The following ITGB7 variants were observed in gnomAD, a reference collection of about 807,000 sequenced individuals.
The protein encoded by ITGB7 is integrin subunit beta 7, also known as integrin beta-7.
Under a neutral mutation model 83.4 loss-of-function variants are expected in ITGB7, and 55 were observed. That is an observed-to-expected ratio of 0.66 (90% confidence interval 0.53 to 0.83). The LOEUF is 0.83. Ranked by LOEUF, ITGB7 falls within the 40% of genes least tolerant of loss-of-function variation. ITGB7 has a pLI of 0.00. For missense variants in ITGB7, 921 were observed against 1,046.7 expected (o/e 0.88, Z 1.66); for synonymous variants, 454 against 423.6 (o/e 1.07, Z -0.88).
rs779774758 is a variant in ITGB7, at chr12:53,197,548, C to T, written c.519G>A (p.Gln173=). ...SMKDDLERVR[Q]LGHALLVRLQ... is the part of the protein sequence containing the mutation. ...GCCGGACCAGCAGAGCGTGCCCGAG[C>T]TGGCGCACGCGTTCCAGGTCGTCCT... Residue 173 remains glutamine (Q), a synonymous_variant, in exon 5 of 16, where the codon CAG becomes CAA. Coordinates refer to ENST00000267082, the MANE Select transcript of ITGB7 (RefSeq NM_000889.3). The T allele has an allele frequency of 6.2e-7, 1 of 1,614,202 alleles. No individual in the cohort carries two copies. The highest frequency in any genetic ancestry group is 1.1e-5 in the South Asian group (1 of 91,090).
At chr12:53,197,295 T>C in intron 5 of ITGB7, 198 bp downstream of exon 5, 1 of 663,990 alleles carries the variant, frequency 1.5e-6, no homozygotes, top group Non-Finnish European at 2.7e-6. Flanking sequence ...AAACGGATAG[T>C]CTCTTGAGTC....
chr12:53,192,745 T>C lies in ITGB7; in HGVS notation c.1892A>G (p.Tyr631Cys), dbSNP rs1374601694. The C allele has an allele frequency of 1.9e-6, 3 of 1,614,214 alleles. No homozygotes were observed. The highest frequency in any genetic ancestry group is 1.3e-5 in the African/African-American group (1 of 75,060). ...TGGGCATTGGTCGCATAGAGCACCA[T>C]AGTAGCCGTCCAAGCACTGGCAGCG... Reference protein sequence around the residue: ...CNRCQCLDGYYGALCDQCPGC... With the variant: ...CNRCQCLDGYCGALCDQCPGC... The change falls in exon 13 of 16, where the codon TAT becomes TGT. Residue 631 changes from tyrosine to cysteine, a missense_variant. By Grantham distance (194) the Tyr-to-Cys change is radical. Coordinates refer to ENST00000267082, the MANE Select transcript of ITGB7 (RefSeq NM_000889.3).
At chr12:53,195,561 A>G in intron 8 of ITGB7, 65 bp downstream of exon 8, 1 of 1,533,024 alleles carries the variant, frequency 6.5e-7, no homozygotes, top group Non-Finnish European at 9.0e-7. Flanking sequence ...CGGAGAATGT[A>G]TCTTTGGGGG....
chr12:53,203,663 AAAAAAAAAG>A (rs1382751338), intron 1 of ITGB7, among the ~76,000 whole-genome samples: 25 of 138,664 alleles, frequency 1.8e-4, no homozygotes, highest in Middle Eastern at 3.6e-3. Context: ...AAAAAAAAAA[AAAAAAAAAG>A]AAAGAAAGAA....
intron 15 of ITGB7, 55 bp from the exon 16 acceptor site, chr12:53,191,691 T>C: frequency 6.4e-7 from 1 of 1,565,496 alleles, no homozygotes; most frequent in Non-Finnish European, 8.8e-7. Context: ...CTCGTCCCCT[T>C]TCTAGACCTA....
chr12:53,203,631 G>A (rs1460436396), intron 1 of ITGB7, among the ~76,000 whole-genome samples: 5 of 118,626 alleles, frequency 4.2e-5, no homozygotes, highest in Admixed American at 1.2e-4. Context: ...CTAGGCGACA[G>A]AGCGAGACCC....
intron 1 of ITGB7, among the ~76,000 whole-genome samples, chr12:53,204,024 T>G (rs1942379098): frequency 6.6e-6 from 1 of 152,142 alleles, no homozygotes; most frequent in South Asian, 2.1e-4. Context: ...GTCCATCAAC[T>G]GATGAATGGA....
chr12:53,193,281 C>A lies in ITGB7; in HGVS notation c.1585G>T (p.Ala529Ser), dbSNP rs1250260191. 4.3e-6 allele frequency: 7 copies of A among 1,613,074 alleles called. No homozygotes were observed. The Admixed American group carries it at 8.3e-5, about 19-fold the overall frequency. The change falls in exon 12 of 16, where the codon GCT becomes TCT. Residue 529 changes from alanine (A) to serine (S), a missense_variant. Ala to Ser is a moderately conservative substitution (Grantham distance 99, BLOSUM62 1). Coordinates refer to ENST00000267082, the MANE Select transcript of ITGB7 (RefSeq NM_000889.3). The part of the protein sequence containing the change: ...SSPDLESGCR[A>S]PNGTGPLCSG... ...CACAGGGGCCCTGTGCCATTGGGAG[C>A]CCGGCACCCAGATTCCAGGTCTGGG...
intron 1 of ITGB7, among the ~76,000 whole-genome samples, chr12:53,204,204 AC>A (rs1185924337): frequency 2.0e-5 from 3 of 152,014 alleles, no homozygotes; most frequent in African/African-American, 7.3e-5. Flanking sequence ...ACATGGTGAA[AC>A]CCCATATCTA....
At position 53,191,773 on chromosome 12, in the gene ITGB7, G is replaced by A. The variant is rs751970636; in HGVS notation, c.2316+86C>T. On this transcript the variant is annotated intron_variant, in intron 15 of 15. Coordinates refer to ENST00000267082, the MANE Select transcript of ITGB7 (RefSeq NM_000889.3). ...GAGGGGTTGGTTACATGTGCCAGGG[G>A]CTGGGGGAACCCAGTGGGAGGAATC... is the stretch of plus-strand genomic sequence containing the variant. 15 of 1,577,666 alleles carry A rather than the reference G, an allele frequency of 9.5e-6. No individual in the cohort carries two copies. In the South Asian group the frequency reaches 1.7e-4, roughly 18 times the overall value.
chr12:53,191,693 C>G (rs554153976), intron 15 of ITGB7, 57 bp from the exon 16 acceptor site: 2 of 1,564,434 alleles, frequency 1.3e-6, no homozygotes, highest in Non-Finnish European at 1.8e-6. Context: ...CGTCCCCTTT[C>G]TAGACCTAAG....
rs765227255 is a variant in ITGB7, at chr12:53,194,216, G to A, written c.1290C>T (p.His430=). 4.6e-5 allele frequency: 75 copies of A among 1,613,854 alleles called. No homozygotes were observed. Among genetic ancestry groups the A allele is most frequent in the East Asian group, 2.5e-4 (11 of 44,880 alleles). ...CTCTCACCGTCTGGTTGATTCGGAC[G>A]TGGTTGCACTGTCCTCGATCCTCAG... ...GKAEDRGQCN[H]VRINQTVTFW... is the part of the protein sequence containing the mutation. Residue 430 remains histidine (H), a synonymous_variant, in exon 10 of 16, where the codon CAC becomes CAT. Transcript: ENST00000267082.
Position 53,196,609 on chromosome 12 carries a change from G to A in ITGB7, c.786C>T (p.Phe262=), listed in dbSNP as rs753332754. The change falls in exon 6 of 16, where the codon TTC becomes TTT. Residue 262 remains phenylalanine (F), a synonymous_variant. Coordinates refer to ENST00000267082, the MANE Select transcript of ITGB7 (RefSeq NM_000889.3). ...AGAGTGCAGCCTGCAGAATGGCATC[G>A]AAGCCACCTTCAGGCGAGTCCAGAT... ...SGNLDSPEGG[F]DAILQAALCQ... is the part of the protein sequence containing the mutation. 10 of 1,613,300 alleles carry A rather than the reference G, an allele frequency of 6.2e-6. No homozygotes were observed. The highest frequency in any genetic ancestry group is 2.7e-5 in the African/African-American group (2 of 74,886).
chr12:53,202,711 C>T (rs1379512657), intron 1 of ITGB7, among the ~76,000 whole-genome samples: 1 of 151,922 alleles, frequency 6.6e-6, no homozygotes, highest in Non-Finnish European at 1.5e-5. Context: ...GCCTGTAATC[C>T]CAACACTTTG....
chr12:53,193,750 T>C lies in ITGB7; in HGVS notation c.1460A>G (p.His487Arg). ...NCSDTQPQAP[H>R]CSDGQGHLQC... ...TAGGTGTCCCTGGCCATCACTGCAG[T>C]GGGGAGCCTGGGGCTGGGTGTCACT... Residue 487 changes from histidine to arginine, a missense_variant, in exon 11 of 16, where the codon CAC (histidine) becomes CGC (arginine). By Grantham distance (29) the His-to-Arg change is conservative (BLOSUM62 0). Transcript: ENST00000267082. The C allele has an allele frequency of 3.7e-6, 6 of 1,613,876 alleles. No homozygotes were observed. The highest frequency in any genetic ancestry group is 4.2e-6 in the Non-Finnish European group (5 of 1,179,936).
At position 53,194,236 on chromosome 12, in the gene ITGB7, C is replaced by A; in HGVS notation, c.1270G>T (p.Asp424Tyr). ...CGGACGTGGTTGCACTGTCCTCGAT[C>A]CTCAGCCTTACCCTCCCTCTTCTCA... ...GPEKREGKAE[D>Y]RGQCNHVRIN... The change falls in exon 10 of 16, where the codon GAT (aspartate) becomes TAT (tyrosine). Residue 424 changes from aspartate (D) to tyrosine (Y), a missense_variant. Transcript: ENST00000267082. The A allele has an allele frequency of 6.2e-7, 1 of 1,614,118 alleles. No homozygotes were observed. The highest frequency in any genetic ancestry group is 1.3e-5 in the African/African-American group (1 of 74,978).
chr12:53,193,979 C>G, intron 10 of ITGB7, 78 bp from the exon 11 acceptor site: 1 of 1,419,044 alleles, frequency 7.0e-7, no homozygotes, highest in South Asian at 1.3e-5. Context: ...CATCCAGAAC[C>G]TCACCCCTTA....
intron 5 of ITGB7, 166 bp downstream of exon 5, chr12:53,197,327 G>A (rs1212438534): frequency 1.3e-6 from 1 of 749,342 alleles, no homozygotes; most frequent in African/African-American, 1.7e-5. Context: ...TGACCTAGAA[G>A]ATGGGTGTCT....
At chr12:53,192,583 C>T (rs772133824) in intron 13 of ITGB7, 45 bp from the exon 14 acceptor site, 4 of 1,602,536 alleles carry the variant, frequency 2.5e-6, no homozygotes, top group East Asian at 2.2e-5. Context: ...CAGTTGTCAC[C>T]CAATGCCCCT....
Sources: allele counts gnomAD v4.1 joint callset (sites outside exome capture counted in the v4.1 genomes callset), GRCh38; gene constraint gnomAD v4.1.1; transcripts MANE v1.5; gene names NCBI Gene and HGNC (gene_info 2026-07-23, HGNC 2026-07-21).